FYTTD1: variants seen among roughly 807,000 people sequenced by gnomAD.
FYTTD1 encodes forty-two-three domain containing 1.
A neutral mutation model predicts 40.9 loss-of-function variants in FYTTD1; 22 were observed. The observed-to-expected ratio is 0.54, with a 90% CI of 0.38 to 0.77. The LOEUF is 0.77. Among genes scored for constraint, FYTTD1 ranks in the 30% least tolerant of loss-of-function variants. The pLI is 0.00. For synonymous variants in FYTTD1, 140 were observed against 137.9 expected (o/e 1.01, Z -0.10); for missense variants, 351 against 392.2 (o/e 0.90, Z 0.89).
chr3:197,762,072 T>C (rs921311943), intron 2 of FYTTD1, among the ~76,000 whole-genome samples: 2 of 152,160 alleles, frequency 1.3e-5, no homozygotes, highest in South Asian at 4.1e-4. Context: ...CTAATCCCAT[T>C]CATGGTGGCT....
intron 2 of FYTTD1, chr3:197,763,687 G>A (rs1729458614): frequency 1.3e-5 from 3 of 225,356 alleles, no homozygotes; most frequent in South Asian, 9.7e-5. Flanking sequence ...AGAGGTAGAA[G>A]AGTTGGGAAT....
At chr3:197,765,741 A>G (rs1729524440) in intron 2 of FYTTD1, among the ~76,000 whole-genome samples, 1 of 151,988 alleles carries the variant, frequency 6.6e-6, no homozygotes, top group African/African-American at 2.4e-5. Context: ...TCACACCTGT[A>G]ATCCAAGCAC....
intron 1 of FYTTD1, among the ~76,000 whole-genome samples, chr3:197,750,997 G>A (rs1020099678): frequency 6.6e-6 from 1 of 152,218 alleles, no homozygotes; most frequent in African/African-American, 2.4e-5. Context: ...CGGGATTCAA[G>A]TGATGGCGTT....
rs1340944949 is a variant in FYTTD1, at chr3:197,768,498, A to C, written c.295A>C (p.Asn99His). The C allele has an allele frequency of 6.2e-7, 1 of 1,612,952 alleles. No homozygotes were observed. The highest frequency in any genetic ancestry group is 8.5e-7 in the Non-Finnish European group (1 of 1,179,026). ...GRVMPGKRRPNGVITGLAARK... is the reference protein window; with the variant it reads ...GRVMPGKRRPHGVITGLAARK... The stretch of plus-strand genomic sequence containing the variant: ...AGTAATGCCTGGAAAGAGACGTCCT[A>C]ATGGAGTTATCACTGGCCTTGCAGC... The change falls in exon 3 of 9, where the codon AAT becomes CAT. Residue 99 changes from asparagine (N) to histidine (H), a missense_variant. By Grantham distance (68) the Asn-to-His change is moderately conservative (BLOSUM62 1). Coordinates refer to ENST00000241502, the MANE Select transcript of FYTTD1 (RefSeq NM_032288.7).
chr3:197,770,323 C>T, intron 4 of FYTTD1, 79 bp downstream of exon 4: 1 of 898,206 alleles, frequency 1.1e-6, no homozygotes, highest in Non-Finnish European at 1.7e-6. Flanking sequence ...AATGGATTTG[C>T]AGTGATTTTT....
chr3:197,754,967 T>G (rs544212143), intron 1 of FYTTD1, among the ~76,000 whole-genome samples: 1 of 152,360 alleles, frequency 6.6e-6, no homozygotes, highest in African/African-American at 2.4e-5. Context: ...GGATATTTCT[T>G]AAATGAGTAT....
intron 1 of FYTTD1, chr3:197,750,396 C>G (rs1240448200): frequency 9.4e-7 from 1 of 1,066,700 alleles, no homozygotes; most frequent in Non-Finnish European, 1.1e-6. Flanking sequence ...GGCTACGGCT[C>G]GCCGCTCGCC....
chr3:197,763,140 G>A (rs182910989), intron 2 of FYTTD1, among the ~76,000 whole-genome samples: 50 of 152,246 alleles, frequency 3.3e-4, no homozygotes, highest in African/African-American at 1.0e-3. Context: ...TTGGCCGGGC[G>A]TGGTGGCTCA....
intron 2 of FYTTD1, among the ~76,000 whole-genome samples, chr3:197,764,201 A>G (rs1364381998): frequency 1.3e-5 from 2 of 152,256 alleles, no homozygotes; most frequent in Admixed American, 6.5e-5. Context: ...TGAAGTCTTT[A>G]GTACCCCTTC....
intron 7 of FYTTD1, 48 bp from the exon 8 acceptor site, chr3:197,778,290 T>C (rs1453386819): frequency 1.4e-6 from 2 of 1,458,696 alleles, no homozygotes; most frequent in African/African-American, 2.8e-5. Context: ...GAATTTATTT[T>C]TCTTTTCATT....
At chr3:197,755,951 T>G (rs1371325752) in intron 1 of FYTTD1, 1 of 628,908 alleles carries the variant, frequency 1.6e-6, no homozygotes, top group Non-Finnish European at 2.9e-6. Context: ...GGGAAGTAGG[T>G]AGGAAAATGG....
At chr3:197,760,599 T>C (rs1383595949) in intron 2 of FYTTD1, among the ~76,000 whole-genome samples, 2 of 151,218 alleles carry the variant, frequency 1.3e-5, no homozygotes, top group African/African-American at 4.9e-5. Context: ...GTTGTTCTTC[T>C]GTGGTAGAAT....
intron 8 of FYTTD1, among the ~76,000 whole-genome samples, chr3:197,779,225 G>A (rs1176969478): frequency 6.6e-6 from 1 of 152,096 alleles, no homozygotes; most frequent in Non-Finnish European, 1.5e-5. Context: ...GACCAGCCTG[G>A]CCAACGTGGT....
intron 1 of FYTTD1, chr3:197,750,286 C>T (rs1580437761): frequency 4.9e-6 from 5 of 1,029,274 alleles, no homozygotes; most frequent in Admixed American, 4.5e-5. Context: ...GGCGTCCCCT[C>T]GGCCGCGGCA....
chr3:197,754,043 A>G (rs1729144354), intron 1 of FYTTD1, among the ~76,000 whole-genome samples: 3 of 152,064 alleles, frequency 2.0e-5, no homozygotes, highest in Non-Finnish European at 4.4e-5. Flanking sequence ...CCCGGCCTAT[A>G]TGCTATATTT....
Position 197,784,904 on chromosome 3 carries a change from G to A in FYTTD1, c.*2995G>A, listed in dbSNP as rs1730121943. On this transcript the variant is annotated 3_prime_UTR_variant, in exon 9 of 9. Coordinates refer to ENST00000241502, the MANE Select transcript of FYTTD1 (RefSeq NM_032288.7). ...TCCTTTTTACACCTTAGTAAAGTGA[G>A]TCCTAGTGTTTTCAAGACTTGCATG... is the stretch of plus-strand genomic sequence containing the variant. 1 of 152,198 alleles carries A rather than the reference G, an allele frequency of 6.6e-6. No homozygotes were observed. The highest frequency in any genetic ancestry group is 2.4e-5 in the African/African-American group (1 of 41,452). 9.4% of individuals were successfully genotyped at this position (152,198 alleles called of 1,614,324 possible).
Position 197,785,947 on chromosome 3 carries a change from T to C in FYTTD1, c.*4038T>C, listed in dbSNP as rs896321973. The C allele has an allele frequency of 2.6e-5, 4 of 151,984 alleles. No individual in the cohort carries two copies. Among genetic ancestry groups the C allele is most frequent in the South Asian group, 2.1e-4 (1 of 4,822 alleles). 9.4% of individuals were successfully genotyped at this position (151,984 alleles called of 1,614,324 possible). ...ATTTGGAACTAGCTTCTTTTTTTTT[T>C]TTTTAAATGATACTTCAGTAAACAC... On this transcript the variant is annotated 3_prime_UTR_variant, in exon 9 of 9. Transcript: ENST00000241502.
intron 8 of FYTTD1, among the ~76,000 whole-genome samples, chr3:197,779,812 T>G (rs9875117): frequency 0.065 from 7,631 of 117,512 alleles, 597 homozygotes; most frequent in African/African-American, 0.22. Context: ...CACACCTGGG[T>G]ATGCAGGCAC....
intron 8 of FYTTD1, among the ~76,000 whole-genome samples, chr3:197,780,522 C>T (rs1225183677): frequency 6.6e-6 from 1 of 152,094 alleles, no homozygotes; most frequent in East Asian, 1.9e-4. Context: ...AATATGTCAC[C>T]ATTTAGTATG....
Sources: gnomAD v4.1 joint callset for allele counts (sites outside exome capture counted in the v4.1 genomes callset) on GRCh38, gnomAD v4.1.1 for gene constraint, MANE v1.5 for transcripts, NCBI Gene and HGNC (gene_info 2026-07-23, HGNC 2026-07-21) for gene names.